The following PIK3C2A variants were observed in gnomAD, a reference collection of about 807,000 sequenced individuals.
PIK3C2A encodes the protein phosphatidylinositol 4-phosphate 3-kinase C2 domain-containing subunit alpha.
A neutral mutation model predicts 204.5 loss-of-function variants in PIK3C2A; 97 were observed. The observed-to-expected ratio is 0.47, with a 90% CI of 0.40 to 0.56. The LOEUF (loss-of-function observed/expected upper bound fraction) is 0.56. PIK3C2A is among the 20% of genes least tolerant of loss of function. The probability of loss-of-function intolerance (pLI) is 0.00; values close to 1 mark genes in which losing one functional copy is unlikely to be tolerated. For missense variants in PIK3C2A, 1,735 were observed against 1,969.2 expected, an observed-to-expected ratio of 0.88 and a Z score of 2.25; for synonymous variants, 653 against 664.4, an observed-to-expected ratio of 0.98 and a Z score of 0.26.
chr11:17,201,138 G>A (rs1166482613), intron 1 of PIK3C2A, among the ~76,000 whole-genome samples: 2 of 151,946 alleles, frequency 1.3e-5, no homozygotes, highest in South Asian at 2.1e-4. Flanking sequence ...CCTGTGAGGC[G>A]GAGGTTGCAG....
chr11:17,094,382 A>G lies in PIK3C2A; in HGVS notation c.4330T>C (p.Tyr1444His). ...CCTTCCCTCAAAATTCGGACTACAT[A>G]AATCTGAAAAGAAATCACACCACAA... is the stretch of plus-strand genomic sequence containing the variant. ...KKYNPDKHYI[Y>H]VVRILREGQI... The change falls in exon 28 of 33, where the codon TAT (tyrosine) becomes CAT (histidine). Residue 1444 changes from tyrosine to histidine, a missense_variant. Around this residue, in one of 6 missense-constraint regions of PIK3C2A, gnomAD observed 503 missense variants for 669.0 expected, o/e 0.75. Transcript: ENST00000691414. The G allele has an allele frequency of 1.2e-6, 2 of 1,607,282 alleles. No individual in the cohort carries two copies. The highest frequency in any genetic ancestry group is 1.7e-6 in the Non-Finnish European group (2 of 1,176,608).
chr11:17,094,174 C>A, intron 28 of PIK3C2A, 87 bp downstream of exon 28: 4 of 936,304 alleles, frequency 4.3e-6, no homozygotes, highest in Non-Finnish European at 6.4e-6. Context: ...TAATATCTTA[C>A]TAAGTGTTAA....
At chr11:17,134,609 C>T (rs560125059) in intron 11 of PIK3C2A, among the ~76,000 whole-genome samples, 9 of 152,226 alleles carry the variant, frequency 5.9e-5, no homozygotes, top group Non-Finnish European at 1.2e-4. Context: ...GATCCACCCG[C>T]TTCAGCCTCC....
rs192847585 is a variant in PIK3C2A, at chr11:17,166,321, C to A, written c.1065+2356G>T. ...ATAAAGAGTTCGGTTTGAGTATGTACAACATAGATAAAAAGCATGTAAGTT... is the reference window on the plus strand; with the variant it reads ...ATAAAGAGTTCGGTTTGAGTATGTAAAACATAGATAAAAAGCATGTAAGTT... On this transcript the variant is annotated intron_variant, in intron 2 of 32. Coordinates refer to ENST00000691414, the MANE Select transcript of PIK3C2A (RefSeq NM_002645.4). Among the ~76,000 whole-genome samples, 607 of 152,110 alleles carry A rather than the reference C, an allele frequency of 4.0e-3. 5 individuals are homozygous for A. Among genetic ancestry groups the A allele is most frequent in the South Asian group, 9.1e-3 (44 of 4,824 alleles).
chr11:17,207,486 G>C (rs1384073345), intron 1 of PIK3C2A, among the ~76,000 whole-genome samples: 1 of 152,218 alleles, frequency 6.6e-6, no homozygotes, highest in Non-Finnish European at 1.5e-5. Context: ...GCTCCAGCCC[G>C]GTCCCGCGGG....
intron 21 of PIK3C2A, 63 bp downstream of exon 21, chr11:17,112,511 G>T (rs1051966033): frequency 2.7e-6 from 2 of 732,620 alleles, no homozygotes; most frequent in African/African-American, 1.8e-5. Context: ...GCAATTTTGG[G>T]AAAGTAATTT....
intron 1 of PIK3C2A, among the ~76,000 whole-genome samples, chr11:17,175,874 G>C (rs1851319540): frequency 6.6e-6 from 1 of 152,062 alleles, no homozygotes; most frequent in Admixed American, 6.6e-5. Context: ...ATGTTTTCCT[G>C]ATCTTAAAAT....
intron 13 of PIK3C2A, among the ~76,000 whole-genome samples, chr11:17,128,004 G>A (rs2137367392): frequency 6.6e-6 from 1 of 152,254 alleles, no homozygotes; most frequent in Admixed American, 6.5e-5. Context: ...CCTGGGGAAA[G>A]TCACTTAATC....
rs372153496 is a variant in PIK3C2A, at chr11:17,187,443, T to G, written c.-65-17637A>C. On this transcript the variant is annotated intron_variant, in intron 1 of 32. Transcript: ENST00000691414. ...TTTAAAGTATACTATTCAGTTGTTT[T>G]TAGTATATTCAGAGGTGTGTGACCA... 1.9e-4 allele frequency among the ~76,000 whole-genome samples: 29 copies of G among 152,300 alleles called. No individual in the cohort carries two copies. The East Asian group carries it at 3.3e-3, about 17-fold the overall frequency.
At chr11:17,092,603 C>T (rs534023896) in intron 28 of PIK3C2A, among the ~76,000 whole-genome samples, 12 of 152,062 alleles carry the variant, frequency 7.9e-5, no homozygotes, top group African/African-American at 2.2e-4. Context: ...ACCTGGGAAG[C>T]GGAAGTTGCA....
intron 8 of PIK3C2A, among the ~76,000 whole-genome samples, chr11:17,139,192 C>T (rs1207395416): frequency 6.6e-6 from 1 of 151,456 alleles, no homozygotes; most frequent in Non-Finnish European, 1.5e-5. Flanking sequence ...GGATTACAGG[C>T]ATGAGCCACC....
At chr11:17,132,134 T>C in intron 11 of PIK3C2A, 96 bp from the exon 12 acceptor site, 1 of 707,718 alleles carries the variant, frequency 1.4e-6, no homozygotes, top group South Asian at 2.0e-5. Flanking sequence ...AAGAGACTAA[T>C]ATCTGAAATA....
At chr11:17,193,382 A>G (rs512852) in intron 1 of PIK3C2A, 107,011 of 184,126 alleles carry the variant, frequency 0.58, 31,575 homozygotes, top group East Asian at 0.82. Flanking sequence ...TTTTATATTT[A>G]AAAAATATTC....
Position 17,088,786 on chromosome 11 carries a change from G to A in PIK3C2A, c.*952C>T, listed in dbSNP as rs1848217312. The A allele has an allele frequency of 6.6e-6, 1 of 152,172 alleles. No individual in the cohort carries two copies. Among genetic ancestry groups the A allele is most frequent in the Non-Finnish European group, 1.5e-5 (1 of 68,032 alleles). The allele number at this position is 152,172 out of a possible 1,614,324, so 9.4% of individuals were successfully genotyped here. On this transcript the variant is annotated 3_prime_UTR_variant, in exon 33 of 33. Transcript: ENST00000691414. ...CTGCCCTACTCAGGAATGGGCACAT[G>A]GGTTAACAATTTTCACTTATTTACT...
chr11:17,196,032 T>C lies in PIK3C2A; in HGVS notation c.-66+11816A>G, dbSNP rs140105000. Among the ~76,000 whole-genome samples the C allele has an allele frequency of 7.2e-3, 1,083 of 151,404 alleles. 24 individuals are homozygous for C. The highest frequency in any genetic ancestry group is 0.025 in the African/African-American group (1,034 of 41,250). On this transcript the variant is annotated intron_variant, in intron 1 of 32. Transcript: ENST00000691414. ...CCAGCCTGGGCAACAGAGCGAGACT[T>C]CATCTCGAAAGAAAAAAAGAAAAGA... is the stretch of plus-strand genomic sequence containing the variant.
At chr11:17,097,334 T>C in intron 26 of PIK3C2A, 70 bp from the exon 27 acceptor site, 1 of 931,590 alleles carries the variant, frequency 1.1e-6, no homozygotes, top group Non-Finnish European at 1.7e-6. Context: ...ATGTAATAAA[T>C]GACAAAAACC....
intron 23 of PIK3C2A, among the ~76,000 whole-genome samples, chr11:17,104,124 C>A (rs1283090837): frequency 3.3e-5 from 5 of 152,168 alleles, no homozygotes; most frequent in Non-Finnish European, 5.9e-5. Flanking sequence ...AAATGGGAGT[C>A]TTCCTACATC....
intron 13 of PIK3C2A, among the ~76,000 whole-genome samples, chr11:17,126,710 G>A (rs938998165): frequency 2.6e-5 from 4 of 152,026 alleles, no homozygotes; most frequent in South Asian, 4.1e-4. Flanking sequence ...TACCAAGATC[G>A]CCTGCACTAC....
At position 17,160,598 on chromosome 11, in the gene PIK3C2A, T is replaced by C. The variant is rs182612037; in HGVS notation, c.1066-4969A>G. Reference sequence around the variant, plus strand: ...TAATCCTAGCACTTTGGGAGGCAGGTGGATAGCTCTAGTCCAGGAGATGGA... The same window carrying C: ...TAATCCTAGCACTTTGGGAGGCAGGCGGATAGCTCTAGTCCAGGAGATGGA... On this transcript the variant is annotated intron_variant, in intron 2 of 32. Coordinates refer to ENST00000691414, the MANE Select transcript of PIK3C2A (RefSeq NM_002645.4). 3.9e-5 allele frequency among the ~76,000 whole-genome samples: 6 copies of C among 152,110 alleles called. No homozygotes were observed. The East Asian group carries it at 1.2e-3, about 29-fold the overall frequency.
Sources: allele counts gnomAD v4.1 joint callset (sites outside exome capture counted in the v4.1 genomes callset), GRCh38; gene constraint gnomAD v4.1.1; regional missense constraint gnomAD v4.1.1; transcripts MANE v1.5; gene names NCBI Gene and HGNC (gene_info 2026-07-23, HGNC 2026-07-21).